The following DLGAP2 variants were observed in gnomAD, a reference collection of about 807,000 sequenced individuals.
DLGAP2 encodes the protein DLG associated protein 2, also known as disks large-associated protein 2.
A neutral mutation model predicts 100.3 loss-of-function variants in DLGAP2; 26 were observed. The ratio of observed to expected loss-of-function variants is 0.26; its 90% CI spans 0.19 to 0.36. DLGAP2 has a LOEUF of 0.36. DLGAP2 is among the 10% of genes least tolerant of loss of function. DLGAP2 has a pLI of 1.00. For missense variants in DLGAP2, 1,858 were observed against 1,453.2 expected, an observed-to-expected ratio of 1.28 and a Z score of -4.53; for synonymous variants, 886 against 630.1, an observed-to-expected ratio of 1.41 and a Z score of -6.08.
chr8:1,184,075 G>C (rs7840798), intron 2 of DLGAP2, among the ~76,000 whole-genome samples: 18,266 of 152,198 alleles, frequency 0.12, 2,161 homozygotes, highest in African/African-American at 0.31. Flanking sequence ...GGGAAGCAGT[G>C]TGTTTGCGTT....
At chr8:1,151,168 C>G (rs1413734615) in intron 2 of DLGAP2, among the ~76,000 whole-genome samples, 2 of 152,150 alleles carry the variant, frequency 1.3e-5, no homozygotes, top group African/African-American at 2.4e-5. Context: ...TAACCACGTC[C>G]CTGCAGAGGA....
At chr8:1,599,066 G>A (rs547822047) in intron 6 of DLGAP2, among the ~76,000 whole-genome samples, 1 of 152,192 alleles carries the variant, frequency 6.6e-6, no homozygotes, top group Non-Finnish European at 1.5e-5. Flanking sequence ...GGTATGTTGT[G>A]TCTTTGTTAT....
Position 902,376 on chromosome 8 carries a change from A to C in DLGAP2, c.19-5536A>C, listed in dbSNP as rs182442232. Among the ~76,000 whole-genome samples the C allele has an allele frequency of 6.1e-3, 907 of 149,358 alleles. 13 individuals carry two copies. The highest frequency in any genetic ancestry group is 0.021 in the African/African-American group (833 of 40,488). On this transcript the variant is annotated intron_variant, in intron 1 of 14. Coordinates refer to ENST00000637795, the MANE Select transcript of DLGAP2 (RefSeq NM_001346810.2). Reference sequence around the variant, plus strand: ...GCGCGGGGGCTGGGGGGGCACTCCAAGGGCAGCCGGAGGGTTCATGGAAGG... The same window carrying C: ...GCGCGGGGGCTGGGGGGGCACTCCACGGGCAGCCGGAGGGTTCATGGAAGG...
intron 2 of DLGAP2, chr8:926,954 G>T (rs1208540875): frequency 1.1e-6 from 1 of 892,004 alleles, no homozygotes; most frequent in East Asian, 1.2e-4. Flanking sequence ...CGCTGTGGGG[G>T]TGGGGACAGC....
At chr8:789,950 C>A (rs1821983554) in intron 1 of DLGAP2, among the ~76,000 whole-genome samples, 2 of 152,208 alleles carry the variant, frequency 1.3e-5, no homozygotes, top group Admixed American at 1.3e-4. Flanking sequence ...GGTTTCTGAT[C>A]TCTGTTTTGT....
intron 1 of DLGAP2, among the ~76,000 whole-genome samples, chr8:827,106 C>G (rs1188019887): frequency 6.6e-6 from 1 of 152,126 alleles, no homozygotes; most frequent in Non-Finnish European, 1.5e-5. Context: ...GCGTTTACTT[C>G]CAGCATCTGA....
intron 2 of DLGAP2, among the ~76,000 whole-genome samples, chr8:925,414 T>G (rs2129002195): frequency 6.6e-6 from 1 of 152,304 alleles, no homozygotes; most frequent in South Asian, 2.1e-4. Flanking sequence ...AATGGTTGTC[T>G]CTGGGCTGAA....
chr8:1,122,900 G>T (rs1796082479), intron 2 of DLGAP2, among the ~76,000 whole-genome samples: 1 of 152,150 alleles, frequency 6.6e-6, no homozygotes, highest in Admixed American at 6.5e-5. Flanking sequence ...AATCATAGGA[G>T]CTCTGGGAAG....
intron 2 of DLGAP2, among the ~76,000 whole-genome samples, chr8:1,038,413 G>A (rs1802196468): frequency 6.6e-6 from 1 of 152,176 alleles, no homozygotes; most frequent in Non-Finnish European, 1.5e-5. Context: ...CTGAAGTCCA[G>A]GAAACAAGAA....
chr8:1,326,143 T>G (rs1396522691), intron 3 of DLGAP2, among the ~76,000 whole-genome samples: 2 of 152,226 alleles, frequency 1.3e-5, no homozygotes, highest in Non-Finnish European at 2.9e-5. Flanking sequence ...TGTTTGCTCC[T>G]TAATGCTATT....
chr8:1,347,970 A>G (rs1438053025), intron 3 of DLGAP2, among the ~76,000 whole-genome samples: 1 of 149,882 alleles, frequency 6.7e-6, no homozygotes, highest in Non-Finnish European at 1.5e-5. Context: ...CATTGCACTC[A>G]TGGTAGCTGT....
chr8:852,612 A>T (rs114060314), intron 1 of DLGAP2, among the ~76,000 whole-genome samples: 1 of 152,168 alleles, frequency 6.6e-6, no homozygotes, highest in South Asian at 2.1e-4. Flanking sequence ...CTTTTGTATA[A>T]ATTGCGGACA....
At chr8:1,232,527 G>A (rs888866180) in intron 2 of DLGAP2, among the ~76,000 whole-genome samples, 3 of 152,228 alleles carry the variant, frequency 2.0e-5, no homozygotes, top group African/African-American at 7.2e-5. Flanking sequence ...GCATCACTGT[G>A]CTGGGCTGAG....
chr8:1,130,440 G>C (rs995253755), intron 2 of DLGAP2, among the ~76,000 whole-genome samples: 1 of 152,170 alleles, frequency 6.6e-6, no homozygotes, highest in Non-Finnish European at 1.5e-5. Flanking sequence ...AGGAGCAGAA[G>C]GGACCTGTCA....
intron 2 of DLGAP2, among the ~76,000 whole-genome samples, chr8:984,691 A>G (rs1800437903): frequency 6.6e-6 from 1 of 152,208 alleles, no homozygotes; most frequent in Non-Finnish European, 1.5e-5. Flanking sequence ...ACAGGACGTG[A>G]TTAGCTGAGA....
At chr8:1,215,933 G>C (rs576114173) in intron 2 of DLGAP2, among the ~76,000 whole-genome samples, 1 of 150,038 alleles carries the variant, frequency 6.7e-6, no homozygotes, top group Non-Finnish European at 1.5e-5. Context: ...CAGGTACCTG[G>C]ATGGGTTCAT....
intron 2 of DLGAP2, among the ~76,000 whole-genome samples, chr8:1,060,966 G>A (rs762030218): frequency 2.6e-5 from 4 of 152,318 alleles, no homozygotes; most frequent in Non-Finnish European, 4.4e-5. Context: ...TTGATATTTC[G>A]ATGTTGTGTA....
At chr8:1,307,518 C>T (rs1053710237) in intron 3 of DLGAP2, among the ~76,000 whole-genome samples, 7 of 152,134 alleles carry the variant, frequency 4.6e-5, no homozygotes, top group Non-Finnish European at 7.3e-5. Context: ...TCACTTCTGG[C>T]CATACACCCA....
At chr8:1,317,234 T>C (rs1800777482) in intron 3 of DLGAP2, among the ~76,000 whole-genome samples, 1 of 140,258 alleles carries the variant, frequency 7.1e-6, no homozygotes, top group South Asian at 2.3e-4. Context: ...TCGGCAGCGT[T>C]TAAAAATAGA....
Sources: allele counts gnomAD v4.1 joint callset (sites outside exome capture counted in the v4.1 genomes callset), GRCh38; gene constraint gnomAD v4.1.1; transcripts MANE v1.5; gene names NCBI Gene and HGNC (gene_info 2026-07-23, HGNC 2026-07-21).